ITIH5: variants seen among roughly 807,000 people sequenced by gnomAD.
The protein encoded by ITIH5 is inter-alpha-trypsin inhibitor heavy chain H5.
Under a neutral mutation model 77.5 loss-of-function variants are expected in ITIH5, and 65 were observed. The ratio of observed to expected loss-of-function variants is 0.84; its 90% CI spans 0.69 to 1.03. ITIH5 has a LOEUF of 1.03. ITIH5 is among the 50% of genes least tolerant of loss of function. The pLI is 0.00. For missense variants in ITIH5, 1,208 were observed against 1,213.1 expected, an observed-to-expected ratio of 1.00 and a Z score of 0.06; for synonymous variants, 525 against 494.3, an observed-to-expected ratio of 1.06 and a Z score of -0.82.
At chr10:7,663,443 A>C (rs551591847) in intron 1 of ITIH5, among the ~76,000 whole-genome samples, 16 of 152,360 alleles carry the variant, frequency 1.1e-4, no homozygotes, top group Non-Finnish European at 1.9e-4. Context: ...TATTATTTAC[A>C]TGCTAATAAA....
rs1363912360 is a variant in ITIH5 at position 7,560,875 on chromosome 10, G to C, written c.*2208C>G. 3 of 152,162 alleles carry C rather than the reference G, an allele frequency of 2.0e-5. No homozygotes were observed. Among genetic ancestry groups the C allele is most frequent in the Non-Finnish European group, 2.9e-5 (2 of 68,028 alleles). 9.4% of individuals were successfully genotyped at this position (152,162 alleles called of 1,614,324 possible). The stretch of plus-strand genomic sequence containing the variant: ...TTCAGTGTAGCCCTGCATTAAGTAT[G>C]TTGTATGACTTGGCAAAAACCACTC... On this transcript the variant is annotated 3_prime_UTR_variant, in exon 14 of 14. Coordinates refer to ENST00000397146, the MANE Select transcript of ITIH5 (RefSeq NM_030569.7).
chr10:7,576,618 C>T lies in ITIH5; in HGVS notation c.1813G>A (p.Ala605Thr), dbSNP rs1435180153. 1.2e-6 allele frequency: 2 copies of T among 1,613,974 alleles called. No individual in the cohort carries two copies. Among genetic ancestry groups the T allele is most frequent in the Admixed American group, 1.7e-5 (1 of 60,006 alleles). The change falls in exon 10 of 14, where the codon GCC (alanine) becomes ACC (threonine). Residue 605 changes from alanine (A) to threonine (T), a missense_variant. By Grantham distance (58) the Ala-to-Thr change is moderately conservative. Transcript: ENST00000397146. Reference protein sequence around the residue: ...EPEKERLRQRAQALAVSYRFL... With the variant: ...EPEKERLRQRTQALAVSYRFL... Reference sequence around the variant, plus strand: ...CGGTAGCTCACAGCCAGGGCCTGGGCCCGCTGCCGCAGCCGCTCCTTCTCC... The same window carrying T: ...CGGTAGCTCACAGCCAGGGCCTGGGTCCGCTGCCGCAGCCGCTCCTTCTCC...
At chr10:7,600,292 A>G (rs1832988652) in intron 7 of ITIH5, among the ~76,000 whole-genome samples, 1 of 152,166 alleles carries the variant, frequency 6.6e-6, no homozygotes, top group Non-Finnish European at 1.5e-5. Context: ...AATAATTCCA[A>G]TGCTATGCCT....
At chr10:7,575,765 T>C (rs1056927780) in intron 10 of ITIH5, among the ~76,000 whole-genome samples, 1 of 152,156 alleles carries the variant, frequency 6.6e-6, no homozygotes, top group African/African-American at 2.4e-5. Flanking sequence ...TACATAACTC[T>C]GAAGTGCTTG....
intron 7 of ITIH5, among the ~76,000 whole-genome samples, chr10:7,594,548 A>G (rs941436143): frequency 6.6e-6 from 1 of 152,134 alleles, no homozygotes; most frequent in Admixed American, 6.5e-5. Flanking sequence ...GGCATATAAA[A>G]TGTATGATCA....
rs7074766 is a variant in ITIH5, at chr10:7,559,608, C to T, written c.*3475G>A. ...GCTTAAAGAACAGAAAAAGAATTAA[C>T]GTTTTGAATGATTTGGTGTCTTAGT... On this transcript the variant is annotated 3_prime_UTR_variant, in exon 14 of 14. Coordinates refer to ENST00000397146, the MANE Select transcript of ITIH5 (RefSeq NM_030569.7). 0.065 allele frequency: 16,714 copies of T among 255,438 alleles called. 590 individuals carry two copies. The highest frequency in any genetic ancestry group is 0.093 in the Admixed American group (1,842 of 19,896). The allele number at this position is 255,438 out of a possible 1,614,324, so 15.8% of individuals were successfully genotyped here.
chr10:7,565,967 GC>G (rs1832145660), intron 13 of ITIH5, 62 bp downstream of exon 13: 2 of 1,548,616 alleles, frequency 1.3e-6, no homozygotes, highest in Admixed American at 3.8e-5. Flanking sequence ...GGCAATATCA[GC>G]TTTGCTTGGG....
chr10:7,602,647 A>G (rs1833038284), intron 7 of ITIH5, among the ~76,000 whole-genome samples: 2 of 152,204 alleles, frequency 1.3e-5, no homozygotes, highest in African/African-American at 4.8e-5. Context: ...CTGAGAGTCC[A>G]TTAAATCTCT....
At chr10:7,623,105 T>G (rs1833499990) in intron 5 of ITIH5, among the ~76,000 whole-genome samples, 1 of 152,174 alleles carries the variant, frequency 6.6e-6, no homozygotes, top group Non-Finnish European at 1.5e-5. Flanking sequence ...GGTGAAAAGA[T>G]TGAGAAGAGC....
intron 5 of ITIH5, among the ~76,000 whole-genome samples, chr10:7,626,613 G>A (rs1324198221): frequency 2.6e-5 from 4 of 152,176 alleles, no homozygotes; most frequent in Non-Finnish European, 5.9e-5. Context: ...CAGTCACAGT[G>A]CAGCCCTTTA....
intron 8 of ITIH5, among the ~76,000 whole-genome samples, chr10:7,584,595 C>A (rs12572199): frequency 0.1 from 15,629 of 152,052 alleles, 1,368 homozygotes; most frequent in East Asian, 0.44. Flanking sequence ...GTGAGCCACC[C>A]CACCCGGCCC....
At chr10:7,587,296 TAGAAAAGGTTTCTATAGTAATCC>T (rs1832699547) in intron 7 of ITIH5, among the ~76,000 whole-genome samples, 1 of 152,244 alleles carries the variant, frequency 6.6e-6, no homozygotes, top group African/African-American at 2.4e-5. Flanking sequence ...TCTAGGGGCC[TAGAAAAGGTTTCTATAGTAATCC>T]ATAGACACTG....
chr10:7,566,365 G>A lies in ITIH5; in HGVS notation c.2192C>T (p.Pro731Leu). ...NGELIGAPAPPNGHKKQRTYL... is the reference protein window; with the variant it reads ...NGELIGAPAPLNGHKKQRTYL... ...AGTGCGCTGTTTCTTGTGGCCATTT[G>A]GAGGGGCGGGTGCCCCAATTAACTC... The change falls in exon 13 of 14, where the codon CCA (proline) becomes CTA (leucine). Residue 731 changes from proline to leucine, a missense_variant. Transcript: ENST00000397146. The A allele has an allele frequency of 6.2e-7, 1 of 1,604,852 alleles. No individual in the cohort carries two copies.
intron 2 of ITIH5, 95 bp downstream of exon 2, chr10:7,655,536 G>A: frequency 1.0e-6 from 1 of 993,516 alleles, no homozygotes; most frequent in Non-Finnish European, 1.6e-6. Context: ...AACTTTATAT[G>A]TTTTGGAGGA....
At chr10:7,624,822 TATGTGTATATACATGTATATACAC>T (rs1833539482) in intron 5 of ITIH5, among the ~76,000 whole-genome samples, 1 of 138,274 alleles carries the variant, frequency 7.2e-6, no homozygotes, top group Admixed American at 7.2e-5. Flanking sequence ...TACACATATA[TATGTGTATATACATGTATATACAC>T]ATATATATGT....
At chr10:7,590,073 G>A (rs4614332) in intron 7 of ITIH5, among the ~76,000 whole-genome samples, 43,104 of 151,884 alleles carry the variant, frequency 0.28, 6,454 homozygotes, top group East Asian at 0.49. Flanking sequence ...CTGGCCTCTC[G>A]TTCCATCCAG....
intron 7 of ITIH5, among the ~76,000 whole-genome samples, chr10:7,612,234 G>A (rs1833261130): frequency 6.6e-6 from 1 of 152,106 alleles, no homozygotes; most frequent in South Asian, 2.1e-4. Flanking sequence ...GTGGTAGGGT[G>A]AATAAATGTT....
At chr10:7,632,427 A>C (rs1833727733) in intron 5 of ITIH5, among the ~76,000 whole-genome samples, 2 of 152,178 alleles carry the variant, frequency 1.3e-5, no homozygotes, top group Admixed American at 6.5e-5. Context: ...ATACACTTCA[A>C]ATAAGTAAAT....
chr10:7,575,603 C>T (rs561892637), intron 10 of ITIH5, among the ~76,000 whole-genome samples: 9 of 152,286 alleles, frequency 5.9e-5, no homozygotes, highest in South Asian at 2.1e-4. Context: ...TACTCATCCC[C>T]GCAGCAGAAT....
Sources: allele counts gnomAD v4.1 joint callset (sites outside exome capture counted in the v4.1 genomes callset), GRCh38; gene constraint gnomAD v4.1.1; transcripts MANE v1.5; gene names NCBI Gene and HGNC (gene_info 2026-07-23, HGNC 2026-07-21).